The following ME1 variants were observed in gnomAD, a reference collection of about 807,000 sequenced individuals.
ME1 encodes the protein NADP-dependent malic enzyme.
ME1 carries 74 observed loss-of-function variants against 66.4 expected under a neutral mutation model. The observed-to-expected ratio is 1.11, with a 90% CI of 0.92 to 1.35. The LOEUF (loss-of-function observed/expected upper bound fraction) is 1.35, where lower values mean the gene tolerates loss of function less well. Ranked by LOEUF, ME1 falls within the 40% of genes most tolerant of loss-of-function variation. The probability of loss-of-function intolerance (pLI) is 0.00; values close to 1 mark genes in which losing one functional copy is unlikely to be tolerated. For missense variants in ME1, 750 were observed against 694.1 expected (o/e 1.08, Z -0.90); for synonymous variants, 251 against 235.6 (o/e 1.07, Z -0.60).
intron 3 of ME1, among the ~76,000 whole-genome samples, chr6:83,380,660 T>C (rs1011513045): frequency 3.3e-5 from 5 of 152,040 alleles, no homozygotes; most frequent in African/African-American, 1.2e-4. Context: ...CCTTACAATG[T>C]TAGAAAACCT....
chr6:83,267,083 G>T (rs767144), intron 6 of ME1, among the ~76,000 whole-genome samples: 33,222 of 151,958 alleles, frequency 0.22, 4,125 homozygotes, highest in Middle Eastern at 0.39. Context: ...TTTAGGAAGG[G>T]TAATTTTGGT....
At chr6:83,393,207 C>A in intron 3 of ME1, 2 of 1,175,690 alleles carry the variant, frequency 1.7e-6, no homozygotes, top group East Asian at 2.3e-5. Flanking sequence ...GTCAGAGGAC[C>A]CCCTCAAAGG....
chr6:83,331,743 C>G (rs951978334), intron 5 of ME1, among the ~76,000 whole-genome samples: 2 of 151,976 alleles, frequency 1.3e-5, no homozygotes, highest in African/African-American at 4.8e-5. Context: ...TTCCAGCCCC[C>G]AGAACTGTGA....
chr6:83,422,387 C>T (rs1458713780), intron 1 of ME1, among the ~76,000 whole-genome samples: 1 of 152,096 alleles, frequency 6.6e-6, no homozygotes, highest in African/African-American at 2.4e-5. Context: ...ACAGTATTCC[C>T]CTTAAGATAC....
intron 4 of ME1, among the ~76,000 whole-genome samples, chr6:83,351,228 C>T (rs1224178182): frequency 3.3e-5 from 5 of 151,966 alleles, no homozygotes; most frequent in Non-Finnish European, 5.9e-5. Context: ...GACTTTGTCT[C>T]TAAAAAAATT....
chr6:83,363,406 A>T (rs538763310), intron 3 of ME1, among the ~76,000 whole-genome samples: 2 of 152,306 alleles, frequency 1.3e-5, no homozygotes, highest in South Asian at 4.1e-4. Flanking sequence ...ACTACTCCAC[A>T]ATGGCGGTAA....
chr6:83,219,504 G>A (rs1038383730), intron 12 of ME1, among the ~76,000 whole-genome samples: 73 of 152,100 alleles, frequency 4.8e-4, no homozygotes, highest in African/African-American at 1.7e-3. Flanking sequence ...TAATTCATAA[G>A]GATTGAATGA....
intron 6 of ME1, among the ~76,000 whole-genome samples, chr6:83,305,405 G>T (rs1351470119): frequency 6.6e-6 from 1 of 152,056 alleles, no homozygotes; most frequent in African/African-American, 2.4e-5. Flanking sequence ...GGAGAAGATG[G>T]GACAGGTTTC....
chr6:83,229,984 G>C (rs1043905846), intron 9 of ME1, among the ~76,000 whole-genome samples: 1 of 151,534 alleles, frequency 6.6e-6, no homozygotes, highest in African/African-American at 2.4e-5. Flanking sequence ...CACCATGCTT[G>C]GCTAATTTAT....
At chr6:83,249,182 G>A (rs1162688767) in intron 7 of ME1, among the ~76,000 whole-genome samples, 5 of 151,900 alleles carry the variant, frequency 3.3e-5, no homozygotes, top group African/African-American at 1.2e-4. Context: ...AATGTATATA[G>A]CTGCCATACT....
intron 3 of ME1, among the ~76,000 whole-genome samples, chr6:83,396,610 T>C (rs1228958108): frequency 6.6e-6 from 1 of 152,016 alleles, no homozygotes; most frequent in Non-Finnish European, 1.5e-5. Context: ...TTCACAGAAA[T>C]ATAAAAATAA....
At chr6:83,404,743 A>C (rs995478537) in intron 2 of ME1, among the ~76,000 whole-genome samples, 1 of 152,134 alleles carries the variant, frequency 6.6e-6, no homozygotes, top group Non-Finnish European at 1.5e-5. Context: ...AGTTTTCCCA[A>C]CACCATATAT....
intron 6 of ME1, among the ~76,000 whole-genome samples, chr6:83,283,535 C>G: frequency 6.6e-6 from 1 of 151,926 alleles, no homozygotes. Context: ...ACATGTATAC[C>G]TGTGTAACAA....
intron 6 of ME1, among the ~76,000 whole-genome samples, chr6:83,305,665 G>A (rs1450759219): frequency 1.3e-5 from 2 of 152,096 alleles, no homozygotes; most frequent in Non-Finnish European, 2.9e-5. Context: ...ATCAGGGCTT[G>A]AGGGCCATTA....
Position 83,430,964 on chromosome 6 carries a change from C to A in ME1, c.-10G>T. The A allele has an allele frequency of 6.5e-7, 1 of 1,541,204 alleles. No homozygotes were observed. The highest frequency in any genetic ancestry group is 8.7e-7 in the Non-Finnish European group (1 of 1,145,588). Reference sequence around the variant, plus strand: ...GGGCTTCGGGCTCCATGGCTGGCGCCGGGTTCGGCGGCGGGGTCAGGCCGG... The same window carrying A: ...GGGCTTCGGGCTCCATGGCTGGCGCAGGGTTCGGCGGCGGGGTCAGGCCGG... On this transcript the variant is annotated 5_prime_UTR_variant, in exon 1 of 14. Coordinates refer to ENST00000369705, the MANE Select transcript of ME1 (RefSeq NM_002395.6).
intron 3 of ME1, among the ~76,000 whole-genome samples, chr6:83,364,386 A>C (rs1000167276): frequency 6.6e-6 from 1 of 150,926 alleles, no homozygotes; most frequent in African/African-American, 2.4e-5. Context: ...TACTTAATAA[A>C]CTCCCCTATA....
At chr6:83,372,851 A>G (rs1769215518) in intron 3 of ME1, among the ~76,000 whole-genome samples, 1 of 152,222 alleles carries the variant, frequency 6.6e-6, no homozygotes, top group East Asian at 1.9e-4. Flanking sequence ...TTTCCCTCAC[A>G]TATTTGACAA....
intron 5 of ME1, among the ~76,000 whole-genome samples, chr6:83,332,781 G>C (rs938590578): frequency 2.0e-5 from 3 of 152,010 alleles, no homozygotes; most frequent in African/African-American, 7.2e-5. Context: ...GGTAGGTAAA[G>C]GATAAAAAAT....
intron 1 of ME1, 45 bp from the exon 2 acceptor site, chr6:83,407,946 G>T (rs765171665): frequency 6.6e-7 from 1 of 1,516,224 alleles, no homozygotes. Context: ...TATTTGAGAG[G>T]AAAATAGACA....
Sources: gnomAD v4.1 joint callset for allele counts (sites outside exome capture counted in the v4.1 genomes callset) on GRCh38, gnomAD v4.1.1 for gene constraint, MANE v1.5 for transcripts, NCBI Gene and HGNC (gene_info 2026-07-23, HGNC 2026-07-21) for gene names.